Variants in MYO3A observed in about 807,000 individuals in gnomAD.
MYO3A encodes myosin-IIIa.
MYO3A carries 180 observed loss-of-function variants against 192.7 expected under a neutral mutation model. The ratio of observed to expected loss-of-function variants is 0.93; its 90% confidence interval spans 0.83 to 1.06. MYO3A has a LOEUF of 1.06. MYO3A is among the 50% of genes least tolerant of loss of function. The pLI is 0.00. For synonymous variants in MYO3A, 628 were observed against 645.3 expected (o/e 0.97, Z 0.41); for missense variants, 1,896 against 1,905.0 (o/e 1.00, Z 0.09).
rs907741007 is a variant in MYO3A, at chr10:26,138,221, C to T, written c.2263-5227C>T. Reference sequence around the variant, plus strand: ...TCCTACTGATATGTGAGGTCACCCCCAGTGGCCCAGCTGTAAAATTCCTCT... The same window carrying T: ...TCCTACTGATATGTGAGGTCACCCCTAGTGGCCCAGCTGTAAAATTCCTCT... On this transcript the variant is annotated intron_variant, in intron 20 of 34. Coordinates refer to ENST00000642920, the MANE Select transcript of MYO3A (RefSeq NM_017433.5). Among the ~76,000 whole-genome samples, 7 of 152,168 alleles carry T rather than the reference C, an allele frequency of 4.6e-5. No homozygotes were observed. In the East Asian group the frequency reaches 5.8e-4, roughly 13 times the overall value.
chr10:26,088,071 T>C (rs554744466), intron 14 of MYO3A, 132 bp from the exon 15 acceptor site: 2 of 717,776 alleles, frequency 2.8e-6, no homozygotes, highest in Middle Eastern at 4.0e-4. Flanking sequence ...GGATGTAACA[T>C]CTGCCAATAT....
intron 6 of MYO3A, among the ~76,000 whole-genome samples, chr10:26,005,292 A>G (rs1841115315): frequency 6.6e-6 from 1 of 152,050 alleles, no homozygotes; most frequent in African/African-American, 2.4e-5. Flanking sequence ...AACAGTCTAT[A>G]GAACAACTGG....
At chr10:26,123,737 T>C (rs1024066714) in intron 18 of MYO3A, among the ~76,000 whole-genome samples, 1 of 152,076 alleles carries the variant, frequency 6.6e-6, no homozygotes, top group African/African-American at 2.4e-5. Flanking sequence ...CCATCCTGGC[T>C]AACACAGTGA....
Position 26,067,012 on chromosome 10 carries a change from C to A in MYO3A, c.991C>A (p.Arg331=). Residue 331 remains arginine (R), a synonymous_variant, in exon 11 of 35, where the codon CGA becomes AGA. Transcript: ENST00000642920. ...TCACACGAAGAAAGGGAACTTCAAC[C>A]GACCTCTAATATCCAATCTGAAGGA... The part of the protein sequence containing the change: ...RIHTKKGNFN[R]PLISNLKDVD... The A allele has an allele frequency of 6.2e-7, 1 of 1,612,886 alleles. No homozygotes were observed. Among genetic ancestry groups the A allele is most frequent in the Non-Finnish European group, 8.5e-7 (1 of 1,178,972 alleles).
intron 20 of MYO3A, among the ~76,000 whole-genome samples, chr10:26,134,260 C>T (rs1282312374): frequency 6.6e-6 from 1 of 152,076 alleles, no homozygotes; most frequent in East Asian, 1.9e-4. Flanking sequence ...AATACTTTCT[C>T]ATTAGGTTAT....
chr10:26,045,696 C>T (rs1843602941), intron 10 of MYO3A, among the ~76,000 whole-genome samples: 1 of 152,158 alleles, frequency 6.6e-6, no homozygotes, highest in African/African-American at 2.4e-5. Context: ...CTCCTTTCAT[C>T]TGCTCCTTTT....
chr10:26,144,048 A>G (rs193207916), intron 21 of MYO3A, among the ~76,000 whole-genome samples: 42 of 152,326 alleles, frequency 2.8e-4, no homozygotes, highest in African/African-American at 9.1e-4. Flanking sequence ...CCTCTAAGTT[A>G]CAGTACATTA....
intron 10 of MYO3A, among the ~76,000 whole-genome samples, chr10:26,047,609 T>C (rs997007209): frequency 1.4e-5 from 2 of 147,124 alleles, no homozygotes; most frequent in African/African-American, 4.9e-5. Flanking sequence ...CCATCTCTAC[T>C]AAAAATACAA....
At chr10:26,195,212 A>G (rs1843349748) in intron 32 of MYO3A, among the ~76,000 whole-genome samples, 1 of 152,194 alleles carries the variant, frequency 6.6e-6, no homozygotes. Flanking sequence ...TGAATAGTCA[A>G]CTAATTTTAC....
chr10:26,144,383 AC>A (rs1368087758), intron 21 of MYO3A, among the ~76,000 whole-genome samples: 2 of 151,850 alleles, frequency 1.3e-5, no homozygotes, highest in Non-Finnish European at 2.9e-5. Context: ...CCTCTTTCTT[AC>A]CATTAGGTCT....
intron 4 of MYO3A, among the ~76,000 whole-genome samples, chr10:25,964,656 T>C (rs1838152023): frequency 6.6e-6 from 1 of 152,194 alleles, no homozygotes; most frequent in Admixed American, 6.5e-5. Flanking sequence ...TGTTATAATA[T>C]TCTGTGTTTC....
rs186836554 is a variant in MYO3A at position 25,983,928 on chromosome 10, C to A, written c.304-12562C>A. On this transcript the variant is annotated intron_variant, in intron 4 of 34. Transcript: ENST00000642920. Reference sequence around the variant, plus strand: ...AGCAGATTTCTCAGCAGAAACCCTACAAACTCGAAGGGATTGAGGTCCAAT... The same window carrying A: ...AGCAGATTTCTCAGCAGAAACCCTAAAAACTCGAAGGGATTGAGGTCCAAT... Among the ~76,000 whole-genome samples the A allele has an allele frequency of 2.4e-3, 366 of 152,298 alleles. 5 individuals carry two copies. The highest frequency in any genetic ancestry group is 0.017 in the Middle Eastern group (5 of 294).
chr10:26,128,362 T>C, intron 19 of MYO3A, 29 bp from the exon 20 acceptor site: 1 of 1,607,008 alleles, frequency 6.2e-7, no homozygotes, highest in Non-Finnish European at 8.5e-7. Flanking sequence ...AGGAAATAAC[T>C]CAAAATAATG....
At chr10:25,940,170 A>G (rs951801142) in intron 2 of MYO3A, among the ~76,000 whole-genome samples, 1 of 151,978 alleles carries the variant, frequency 6.6e-6, no homozygotes, top group African/African-American at 2.4e-5. Flanking sequence ...AGTTATAATT[A>G]TTGTGGTTAC....
chr10:26,134,859 T>G (rs1021586334), intron 20 of MYO3A, among the ~76,000 whole-genome samples: 3 of 152,160 alleles, frequency 2.0e-5, no homozygotes, highest in African/African-American at 7.2e-5. Context: ...GGCAATGTTT[T>G]CATGAATAGG....
intron 23 of MYO3A, among the ~76,000 whole-genome samples, chr10:26,150,824 T>C (rs981072487): frequency 7.9e-5 from 12 of 152,154 alleles, no homozygotes; most frequent in Non-Finnish European, 1.5e-4. Context: ...TCGTTTATCT[T>C]TGTTGTTTTC....
chr10:26,020,038 C>A lies in MYO3A; in HGVS notation c.586-1465C>A, dbSNP rs189477627. On this transcript the variant is annotated intron_variant, in intron 7 of 34. Transcript: ENST00000642920. ...CTAACTCTTAAGTTGAGAAACTATTCTGTCTTTATATATAGACATATATAT... is the reference window on the plus strand; with the variant it reads ...CTAACTCTTAAGTTGAGAAACTATTATGTCTTTATATATAGACATATATAT... Among the ~76,000 whole-genome samples the A allele has an allele frequency of 3.2e-4, 49 of 152,300 alleles. No homozygotes were observed. The East Asian group carries it at 8.9e-3, about 28-fold the overall frequency.
At position 26,120,794 on chromosome 10, in the gene MYO3A, T is replaced by C. The variant is rs1490106104; in HGVS notation, c.1895T>C (p.Leu632Pro). Residue 632 changes from leucine to proline, a missense_variant, in exon 18 of 35, where the codon CTG becomes CCG. Coordinates refer to ENST00000642920, the MANE Select transcript of MYO3A (RefSeq NM_017433.5). ...AGCCACATTTCTAATCATACAGCCC[T>C]GGAGAACTGTAAGTTTTATTACCTT... ...DKSHISNHTA[L>P]ENCASLLCIR... 2 of 1,614,066 alleles carry C rather than the reference T, an allele frequency of 1.2e-6. No homozygotes were observed. Among genetic ancestry groups the C allele is most frequent in the East Asian group, 2.2e-5 (1 of 44,842 alleles).
At chr10:26,026,269 T>A in intron 9 of MYO3A, 108 bp from the exon 10 acceptor site, 1 of 1,337,420 alleles carries the variant, frequency 7.5e-7, no homozygotes, top group South Asian at 1.3e-5. Context: ...GGCTGAGCAT[T>A]TATGAGGAGC....
Sources: gnomAD v4.1 joint callset for allele counts (sites outside exome capture counted in the v4.1 genomes callset) on GRCh38, gnomAD v4.1.1 for gene constraint, MANE v1.5 for transcripts, NCBI Gene and HGNC (gene_info 2026-07-23, HGNC 2026-07-21) for gene names.